The following RTEL1 variants were observed in gnomAD, a reference collection of about 807,000 sequenced individuals.
RTEL1 encodes the protein regulator of telomere elongation helicase 1, also known as regulator of telomere length.
Under a neutral mutation model 162.2 loss-of-function variants are expected in RTEL1, and 86 were observed. The ratio of observed to expected loss-of-function variants is 0.53; its 90% CI spans 0.45 to 0.63. RTEL1 has a LOEUF of 0.63. RTEL1 is among the 30% of genes least tolerant of loss of function. RTEL1 has a pLI of 0.00. For missense variants in RTEL1, 1,941 were observed against 1,750.2 expected, an observed-to-expected ratio of 1.11 and a Z score of -1.95; for synonymous variants, 958 against 717.9, an observed-to-expected ratio of 1.33 and a Z score of -5.35.
Position 63,690,578 on chromosome 20 carries a change from C to CT in RTEL1, c.2413+138dup, listed in dbSNP as rs1247136217. Reference sequence around the variant, plus strand: ...CCCCTCCCACCTCCAAAGGCTGCCTCTCCCTCCTAGGGCAGGGCCCCCACG... The same window carrying CT: ...CCCCTCCCACCTCCAAAGGCTGCCTCTTCCCTCCTAGGGCAGGGCCCCCACG... On this transcript the variant is annotated intron_variant, in intron 26 of 34. Transcript: ENST00000360203. 4.8e-6 allele frequency: 6 copies of CT among 1,248,720 alleles called. No homozygotes were observed. In the Admixed American group the frequency reaches 1.5e-4, roughly 30 times the overall value. 77.4% of individuals were successfully genotyped at this position (1,248,720 alleles called of 1,614,324 possible).
At chr20:63,686,782 C>T (rs1269513018) in intron 16 of RTEL1, 1 of 155,840 alleles carries the variant, frequency 6.4e-6, no homozygotes, top group Non-Finnish European at 1.4e-5. Context: ...GGGGGGAGGC[C>T]GGCGCCCCTC....
intron 30 of RTEL1, 58 bp downstream of exon 30, chr20:63,693,341 G>A (rs149938830): frequency 1.2e-6 from 2 of 1,601,386 alleles, no homozygotes; most frequent in East Asian, 2.2e-5. Context: ...GTGTGGGCCA[G>A]AGTCCTGGGC....
intron 2 of RTEL1, among the ~76,000 whole-genome samples, chr20:63,659,884 A>C (rs534142358): frequency 6.6e-6 from 1 of 152,338 alleles, no homozygotes; most frequent in South Asian, 2.1e-4. Flanking sequence ...TATTTTCACT[A>C]TCTCAGCAAG....
intron 8 of RTEL1, among the ~76,000 whole-genome samples, chr20:63,669,233 T>G (rs1390037898): frequency 1.3e-5 from 2 of 152,326 alleles, no homozygotes; most frequent in East Asian, 3.9e-4. Context: ...AAAATGGTGC[T>G]AAGAACAGCT....
intron 10 of RTEL1, among the ~76,000 whole-genome samples, chr20:63,675,043 G>A (rs2090321220): frequency 6.6e-6 from 1 of 152,132 alleles, no homozygotes; most frequent in African/African-American, 2.4e-5. Flanking sequence ...AAGTAGCTGG[G>A]ATCACAGGCG....
At position 63,667,520 on chromosome 20, in the gene RTEL1, A is replaced by G. The variant is rs373656372; in HGVS notation, c.666A>G (p.Ile222Met). The change falls in exon 8 of 35, where the codon ATA (isoleucine) becomes ATG (methionine). Residue 222 changes from isoleucine to methionine, a missense_variant. Coordinates refer to ENST00000360203, the MANE Select transcript of RTEL1 (RefSeq NM_001283009.2). ...ACCTGAAGCAGCAAGCCGACATCAT[A>G]TTCATGCCGTACAATTACTTGTTGG... is the stretch of plus-strand genomic sequence containing the variant. ...SRNLKQQADIIFMPYNYLLDA... is the reference protein window; with the variant it reads ...SRNLKQQADIMFMPYNYLLDA... 60 of 1,614,002 alleles carry G rather than the reference A, an allele frequency of 3.7e-5. No individual in the cohort carries two copies. The highest frequency in any genetic ancestry group is 5.3e-5 in the African/African-American group (4 of 75,054).
At chr20:63,659,679 C>G (rs573526743) in intron 2 of RTEL1, among the ~76,000 whole-genome samples, 175 bp downstream of exon 2, 2 of 152,178 alleles carry the variant, frequency 1.3e-5, no homozygotes, top group African/African-American at 4.8e-5. Context: ...CAAGTAAAAA[C>G]GATCGTCCTT....
chr20:63,680,840 G>C, intron 14 of RTEL1, 121 bp downstream of exon 14: 1 of 1,526,078 alleles, frequency 6.6e-7, no homozygotes, highest in Non-Finnish European at 8.9e-7. Flanking sequence ...TACACCACCT[G>C]TTTCTGATTG....
chr20:63,658,908 C>T (rs2078689279), intron 1 of RTEL1, among the ~76,000 whole-genome samples: 1 of 152,252 alleles, frequency 6.6e-6, no homozygotes, highest in Non-Finnish European at 1.5e-5. Context: ...GGTTCAGACC[C>T]TCCGCTCTGA....
intron 13 of RTEL1, among the ~76,000 whole-genome samples, chr20:63,680,260 C>T (rs1027941868): frequency 6.6e-6 from 1 of 152,232 alleles, no homozygotes; most frequent in Non-Finnish European, 1.5e-5. Flanking sequence ...CCGAGTTCTG[C>T]TTCTCAGAGT....
intron 14 of RTEL1, chr20:63,680,977 G>A (rs1166886306): frequency 2.0e-6 from 2 of 985,280 alleles, no homozygotes; most frequent in Non-Finnish European, 2.4e-6. Flanking sequence ...AGGACAGTGG[G>A]GGCCGGGGAG....
chr20:63,675,578 A>G (rs1292928607), intron 10 of RTEL1, among the ~76,000 whole-genome samples: 1 of 152,062 alleles, frequency 6.6e-6, no homozygotes, highest in Non-Finnish European at 1.5e-5. Flanking sequence ...TGGTGGTACA[A>G]TCAAAGTTCC....
chr20:63,692,072 G>A, intron 28 of RTEL1: 1 of 504,796 alleles, frequency 2.0e-6, no homozygotes, highest in Non-Finnish European at 3.6e-6. Flanking sequence ...GTTTGGCATG[G>A]GGCCTGCAGC....
rs1002397780 is a variant in RTEL1 at position 63,668,307 on chromosome 20, G to A, written c.699+754G>A. Among the ~76,000 whole-genome samples, 12 of 152,192 alleles carry A rather than the reference G, an allele frequency of 7.9e-5. No homozygotes were observed. The highest frequency in any genetic ancestry group is 2.9e-4 in the African/African-American group (12 of 41,436). On this transcript the variant is annotated intron_variant, in intron 8 of 34. Transcript: ENST00000360203. The surrounding 1 kb of genome is among the most constrained non-coding windows in gnomAD (Gnocchi z 4.3). Reference sequence around the variant, plus strand: ...TGGCGTGGTGACGTTTCCAGATCCCGTCGTTGGTTCGCTCATTCTCGGGGT... The same window carrying A: ...TGGCGTGGTGACGTTTCCAGATCCCATCGTTGGTTCGCTCATTCTCGGGGT...
chr20:63,692,787 C>T lies in RTEL1; in HGVS notation c.2653-18C>T, dbSNP rs185974219. 2.0e-3 allele frequency: 3,134 copies of T among 1,603,414 alleles called. 13 individuals carry two copies. The highest frequency in any genetic ancestry group is 3.5e-3 in the East Asian group (158 of 44,626). ...GATGAGGCTGGCCCTGATGGAGCCT[C>T]GGGCCTGTGTCCTGCAGGAGGAGCC... On this transcript the variant is annotated intron_variant, in intron 28 of 34. Coordinates refer to ENST00000360203, the MANE Select transcript of RTEL1 (RefSeq NM_001283009.2).
intron 10 of RTEL1, among the ~76,000 whole-genome samples, chr20:63,676,798 G>A (rs980483910): frequency 1.3e-5 from 2 of 152,174 alleles, no homozygotes; most frequent in Admixed American, 6.5e-5. Flanking sequence ...AGCCAGGTGT[G>A]GTGGTGCATG....
chr20:63,693,546 A>ACCTCCACCACCACCACCT (rs2090859248), intron 30 of RTEL1, among the ~76,000 whole-genome samples: 1 of 14,216 alleles, frequency 7.0e-5, no homozygotes, highest in East Asian at 7.2e-4. Flanking sequence ...CACCACCACC[A>ACCTCCACCACCACCACCT]CCACCACCTC....
rs143229960 is a variant in RTEL1 at position 63,693,127 on chromosome 20, G to A, written c.2852-16G>A. On this transcript the variant is annotated splice_polypyrimidine_tract_variant and intron_variant, in intron 29 of 34. Transcript: ENST00000360203. ...GAAAAAGGGGCAGATGGGGACAGAC[G>A]CCCCTTCCTCTACAGGCTTCTACCA... 1,841 of 1,612,192 alleles carry A rather than the reference G, an allele frequency of 1.1e-3. 19 individuals carry two copies. In the African/African-American group the frequency reaches 0.021, roughly 18 times the overall value.
At chr20:63,680,994 C>A in intron 14 of RTEL1, 1 of 985,402 alleles carries the variant, frequency 1.0e-6, no homozygotes, top group Non-Finnish European at 1.2e-6. Flanking sequence ...GGAGCCGCTC[C>A]TGCCCTGTCC....
Sources: allele counts gnomAD v4.1 joint callset (sites outside exome capture counted in the v4.1 genomes callset), GRCh38; gene constraint gnomAD v4.1.1; non-coding constraint Gnocchi (gnomAD v3.1); transcripts MANE v1.5; gene names NCBI Gene and HGNC (gene_info 2026-07-23, HGNC 2026-07-21).